STK35: variants seen among roughly 807,000 people sequenced by gnomAD.
The protein encoded by STK35 is serine/threonine-protein kinase 35.
In STK35, 17 loss-of-function variants were observed where a neutral mutation model predicts 37.3. That is an observed-to-expected ratio of 0.46 (90% CI 0.31 to 0.68). The LOEUF is 0.68. Among genes scored for constraint, STK35 ranks in the 30% least tolerant of loss-of-function variants. The pLI is 0.05. For missense variants in STK35, 595 were observed against 746.7 expected (o/e 0.80, Z 2.37); for synonymous variants, 385 against 319.1 (o/e 1.21, Z -2.20).
At chr20:2,118,861 T>C (rs945820981) in intron 3 of STK35, among the ~76,000 whole-genome samples, 1 of 152,244 alleles carries the variant, frequency 6.6e-6, no homozygotes, top group African/African-American at 2.4e-5. Flanking sequence ...TACAGAATTG[T>C]AGTCCAGGAA....
chr20:2,102,717 C>T (rs993892256), intron 1 of STK35, 51 bp from the exon 2 acceptor site: 10 of 1,356,782 alleles, frequency 7.4e-6, no homozygotes, highest in Non-Finnish European at 6.7e-6. Context: ...GGCCTACGCT[C>T]CTGGCCTCCC....
chr20:2,135,649 C>T (rs752222022), intron 3 of STK35, among the ~76,000 whole-genome samples: 10 of 152,184 alleles, frequency 6.6e-5, no homozygotes, highest in Admixed American at 3.3e-4. Flanking sequence ...GATCACTTGA[C>T]CCCAGGAGTT....
At chr20:2,111,757 C>CT (rs1985623410) in intron 2 of STK35, among the ~76,000 whole-genome samples, 1 of 152,192 alleles carries the variant, frequency 6.6e-6, no homozygotes, top group Non-Finnish European at 1.5e-5. Flanking sequence ...TTCTTGGAGT[C>CT]TAAATCCACC....
intron 3 of STK35, among the ~76,000 whole-genome samples, chr20:2,120,879 G>A (rs527771950): frequency 6.6e-6 from 1 of 152,242 alleles, no homozygotes; most frequent in East Asian, 1.9e-4. Flanking sequence ...GAGCAGGGTA[G>A]GGGAGATCTG....
chr20:2,124,235 C>T (rs1252265221), intron 3 of STK35, among the ~76,000 whole-genome samples: 2 of 152,176 alleles, frequency 1.3e-5, no homozygotes, highest in Non-Finnish European at 2.9e-5. Flanking sequence ...AGTAGGGCTT[C>T]AAGAGGAGCT....
intron 3 of STK35, among the ~76,000 whole-genome samples, chr20:2,118,475 G>A (rs945971096): frequency 1.3e-5 from 2 of 152,120 alleles, no homozygotes; most frequent in African/African-American, 4.8e-5. Context: ...CCAGCTACTC[G>A]GGAGGCTGAG....
Position 2,137,372 on chromosome 20 carries a change from C to T in STK35, c.*38-6412C>T, listed in dbSNP as rs573079465. ...TTGAGAGAACACCACCTCCAAGCCA[C>T]GCTCCTCTGCATTTGGGGCCTGCCC... is the stretch of plus-strand genomic sequence containing the variant. On this transcript the variant is annotated intron_variant, in intron 3 of 3. Transcript: ENST00000381482. Among the ~76,000 whole-genome samples the T allele has an allele frequency of 1.2e-4, 18 of 152,326 alleles. 1 individual carries two copies. The South Asian group carries it at 2.7e-3, about 23-fold the overall frequency.
Position 2,129,827 on chromosome 20 carries a change from C to T in STK35, c.*37+12412C>T, listed in dbSNP as rs542286696. ...TCTGCCAAGCAGAGGAGGAGGGAGCCGGCTGGAGTGCGGTGGTCAAGGTGT... is the reference window on the plus strand; with the variant it reads ...TCTGCCAAGCAGAGGAGGAGGGAGCTGGCTGGAGTGCGGTGGTCAAGGTGT... On this transcript the variant is annotated intron_variant, in intron 3 of 3. Transcript: ENST00000381482. Among the ~76,000 whole-genome samples, 3 of 151,986 alleles carry T rather than the reference C, an allele frequency of 2.0e-5. No homozygotes were observed. In the East Asian group the frequency reaches 5.8e-4, roughly 30 times the overall value.
chr20:2,103,495 C>T (rs1985450179), intron 2 of STK35, 130 bp downstream of exon 2: 1 of 837,052 alleles, frequency 1.2e-6, no homozygotes, highest in Admixed American at 3.0e-5. Context: ...CCCTGACACA[C>T]CCTCCTTTCC....
chr20:2,108,670 A>C (rs1985562466), intron 2 of STK35, among the ~76,000 whole-genome samples: 1 of 152,202 alleles, frequency 6.6e-6, no homozygotes, highest in South Asian at 2.1e-4. Flanking sequence ...GCAACCACAC[A>C]GACTTCTTGC....
chr20:2,103,085 G>A lies in STK35; in HGVS notation c.612G>A (p.Leu204=), dbSNP rs779409549. The A allele has an allele frequency of 2.4e-5, 38 of 1,597,238 alleles. 1 individual carries two copies. The Middle Eastern group carries it at 4.1e-3, about 170-fold the overall frequency. ...GGGSARPRYS[L]LAEIGRGSYG... is the part of the protein sequence containing the mutation. Reference sequence around the variant, plus strand: ...GGTCCGCGCGGCCGCGTTACAGCCTGTTGGCGGAGATCGGGCGCGGCAGCT... The same window carrying A: ...GGTCCGCGCGGCCGCGTTACAGCCTATTGGCGGAGATCGGGCGCGGCAGCT... The change falls in exon 2 of 4, where the codon CTG becomes CTA. Residue 204 remains leucine (L), a synonymous_variant. Coordinates refer to ENST00000381482, the MANE Select transcript of STK35 (RefSeq NM_080836.4).
At chr20:2,127,894 A>G (rs1985933629) in intron 3 of STK35, among the ~76,000 whole-genome samples, 1 of 152,210 alleles carries the variant, frequency 6.6e-6, no homozygotes, top group Non-Finnish European at 1.5e-5. Flanking sequence ...ACCATGGTTA[A>G]AAGATTGCTT....
At position 2,102,891 on chromosome 20, in the gene STK35, G is replaced by T; in HGVS notation, c.418G>T (p.Gly140Cys). The T allele has an allele frequency of 1.9e-6, 3 of 1,565,994 alleles. No homozygotes were observed. Among genetic ancestry groups the T allele is most frequent in the African/African-American group, 1.4e-5 (1 of 72,316 alleles). Residue 140 changes from glycine to cysteine, a missense_variant, in exon 2 of 4, where the codon GGC (glycine) becomes TGC (cysteine). Physicochemically the swap from Gly to Cys is radical, Grantham distance 159. Transcript: ENST00000381482. Reference protein sequence around the residue: ...PPAAMETGKDGARRGTQSPER... With the variant: ...PPAAMETGKDCARRGTQSPER... ...CGCAGCCATGGAAACGGGGAAGGAC[G>T]GCGCCCGCAGAGGTACACAAAGCCC... is the stretch of plus-strand genomic sequence containing the variant.
At chr20:2,120,227 A>G (rs1344053468) in intron 3 of STK35, among the ~76,000 whole-genome samples, 1 of 152,188 alleles carries the variant, frequency 6.6e-6, no homozygotes, top group Non-Finnish European at 1.5e-5. Flanking sequence ...TAACTAATTG[A>G]GATCAGGGCT....
In STK35 at chr20:2,144,237, G is replaced by T; in HGVS notation, c.*491G>T. ...CCTGCCTCCCCATAGGGAATCTGGG[G>T]GTTTCTTCTGGAACGGGGCGTGAGG... On this transcript the variant is annotated 3_prime_UTR_variant, in exon 4 of 4. Coordinates refer to ENST00000381482, the MANE Select transcript of STK35 (RefSeq NM_080836.4). 1 of 251,922 alleles carries T rather than the reference G, an allele frequency of 4.0e-6. No homozygotes were observed. The highest frequency in any genetic ancestry group is 1.6e-3 in the Middle Eastern group (1 of 616). 15.6% of individuals were successfully genotyped at this position (251,922 alleles called of 1,614,324 possible).
At position 2,103,399 on chromosome 20, in the gene STK35, G is replaced by A. The variant is rs756458749; in HGVS notation, c.892+34G>A. ...ACCGCGGGCCTTTCCACCCACGCAG[G>A]GCCTGGACCCCCTGCTCTCCGGACG... On this transcript the variant is annotated intron_variant, in intron 2 of 3. Transcript: ENST00000381482. 7 of 1,583,760 alleles carry A rather than the reference G, an allele frequency of 4.4e-6. No individual in the cohort carries two copies. The African/African-American group carries it at 5.4e-5, about 12-fold the overall frequency.
intron 3 of STK35, among the ~76,000 whole-genome samples, chr20:2,122,821 C>G (rs953346808): frequency 1.3e-5 from 2 of 152,178 alleles, no homozygotes; most frequent in Admixed American, 1.3e-4. Context: ...GGTAGCCTCA[C>G]TTTTGTGGAT....
chr20:2,130,928 C>T (rs1985989015), intron 3 of STK35, among the ~76,000 whole-genome samples: 1 of 152,192 alleles, frequency 6.6e-6, no homozygotes, highest in South Asian at 2.1e-4. Context: ...TGTCATCTGC[C>T]TGCTCACCAG....
chr20:2,105,190 G>A (rs1321712139), intron 2 of STK35, among the ~76,000 whole-genome samples: 2 of 150,362 alleles, frequency 1.3e-5, no homozygotes, highest in Middle Eastern at 3.5e-3. Context: ...TAGGGGATTC[G>A]TTTATCTTAC....
Sources: gnomAD v4.1 joint callset for allele counts (sites outside exome capture counted in the v4.1 genomes callset) on GRCh38, gnomAD v4.1.1 for gene constraint, MANE v1.5 for transcripts, NCBI Gene and HGNC (gene_info 2026-07-23, HGNC 2026-07-21) for gene names.